Variants in GPAT4 observed in about 807,000 individuals in gnomAD.
GPAT4 encodes the protein 1-AGP acyltransferase 6.
Under a neutral mutation model 58.0 loss-of-function variants are expected in GPAT4, and 17 were observed. The observed-to-expected ratio is 0.29, with a 90% CI of 0.20 to 0.44. The LOEUF (loss-of-function observed/expected upper bound fraction) is 0.44, where lower values mean the gene tolerates loss of function less well. Among genes scored for constraint, GPAT4 ranks in the 20% least tolerant of loss-of-function variants. The probability of loss-of-function intolerance (pLI) is 1.00; values close to 1 mark genes in which losing one functional copy is unlikely to be tolerated. For missense variants in GPAT4, 377 were observed against 574.5 expected (o/e 0.66, Z 3.51); for synonymous variants, 204 against 210.1 (o/e 0.97, Z 0.25).
intron 10 of GPAT4, 87 bp downstream of exon 10, chr8:41,615,135 G>T: frequency 8.1e-7 from 1 of 1,241,806 alleles, no homozygotes; most frequent in Non-Finnish European, 1.2e-6. Context: ...AGGAGCTGGG[G>T]TCACCAGTCT....
chr8:41,608,710 G>A (rs1463903402), intron 2 of GPAT4, among the ~76,000 whole-genome samples: 1 of 152,198 alleles, frequency 6.6e-6, no homozygotes, highest in Non-Finnish European at 1.5e-5. Context: ...GTAGGAGTTT[G>A]AGGTAGTATC....
chr8:41,609,281 T>G, intron 2 of GPAT4, 135 bp from the exon 3 acceptor site: 2 of 937,146 alleles, frequency 2.1e-6, no homozygotes, highest in Non-Finnish European at 3.3e-6. Flanking sequence ...TTGAGTTTCC[T>G]TCTAGACTAT....
chr8:41,600,346 T>C (rs1803054426), intron 2 of GPAT4, among the ~76,000 whole-genome samples: 1 of 152,174 alleles, frequency 6.6e-6, no homozygotes, highest in African/African-American at 2.4e-5. Context: ...CTGGCCCATA[T>C]TGTATCTTCT....
intron 1 of GPAT4, among the ~76,000 whole-genome samples, chr8:41,584,149 G>C (rs968987993): frequency 6.6e-6 from 1 of 152,082 alleles, no homozygotes; most frequent in Non-Finnish European, 1.5e-5. Flanking sequence ...CGCCCACCTC[G>C]GCCTCCCAGA....
At position 41,624,582 on chromosome 8, in the gene GPAT4, G is replaced by C. The variant is rs374585902; in HGVS notation, c.*3581G>C. 1 of 152,206 alleles carries C rather than the reference G, an allele frequency of 6.6e-6. No individual in the cohort carries two copies. Among genetic ancestry groups the C allele is most frequent in the Non-Finnish European group, 1.5e-5 (1 of 68,066 alleles). The allele number at this position is 152,206 out of a possible 1,614,324, so 9.4% of individuals were successfully genotyped here. On this transcript the variant is annotated 3_prime_UTR_variant, in exon 13 of 13. Transcript: ENST00000396987. The stretch of plus-strand genomic sequence containing the variant: ...GCACTTGTCCCAGGTGGCCCGGTCC[G>C]TAGGCTGGAAGGGCAGCTGCAGGTG...
intron 1 of GPAT4, among the ~76,000 whole-genome samples, chr8:41,593,689 C>G (rs1043050592): frequency 1.3e-5 from 2 of 152,340 alleles, no homozygotes; most frequent in Admixed American, 1.3e-4. Flanking sequence ...TCTAGTTTCC[C>G]TTCTTTTCAC....
At chr8:41,619,158 C>A in intron 12 of GPAT4, 181 bp downstream of exon 12, 1 of 706,812 alleles carries the variant, frequency 1.4e-6, no homozygotes, top group Non-Finnish European at 2.3e-6. Flanking sequence ...CTTGGGGAAC[C>A]TGGATCAGGG....
chr8:41,593,329 C>G (rs1802842763), intron 1 of GPAT4, among the ~76,000 whole-genome samples: 1 of 152,220 alleles, frequency 6.6e-6, no homozygotes, highest in Non-Finnish European at 1.5e-5. Context: ...ATTATACAAA[C>G]AAGTCCTTTT....
In GPAT4 at chr8:41,609,069, G is replaced by A. The variant is rs544215890; in HGVS notation, c.166-347G>A. Among the ~76,000 whole-genome samples the A allele has an allele frequency of 1.2e-4, 18 of 152,350 alleles. No individual in the cohort carries two copies. The South Asian group carries it at 2.5e-3, about 21-fold the overall frequency. On this transcript the variant is annotated intron_variant, in intron 2 of 12. Transcript: ENST00000396987. ...GGCTTCGCTGTTTTGAGTAGCTGCC[G>A]TGCGGCAGTGCAGGAGGAATCGTGA...
intron 2 of GPAT4, among the ~76,000 whole-genome samples, chr8:41,608,966 G>A (rs552752558): frequency 6.6e-6 from 1 of 152,290 alleles, no homozygotes; most frequent in African/African-American, 2.4e-5. Context: ...TATTACTTAA[G>A]CTCTTTGTCT....
At chr8:41,605,476 C>G (rs994669092) in intron 2 of GPAT4, among the ~76,000 whole-genome samples, 1 of 152,180 alleles carries the variant, frequency 6.6e-6, no homozygotes, top group Admixed American at 6.5e-5. Flanking sequence ...AGCAAAAACA[C>G]GGCGCATGGA....
At chr8:41,604,698 A>G (rs1487008301) in intron 2 of GPAT4, among the ~76,000 whole-genome samples, 1 of 152,224 alleles carries the variant, frequency 6.6e-6, no homozygotes, top group African/African-American at 2.4e-5. Context: ...TGAGACAGCT[A>G]TGATGTGATC....
intron 1 of GPAT4, among the ~76,000 whole-genome samples, chr8:41,587,447 G>A (rs1802685555): frequency 2.0e-5 from 3 of 152,180 alleles, no homozygotes; most frequent in Admixed American, 2.0e-4. Flanking sequence ...GGGAGACGTT[G>A]ATGTTTGTTT....
chr8:41,603,325 G>C (rs1325743543), intron 2 of GPAT4, among the ~76,000 whole-genome samples: 1 of 152,004 alleles, frequency 6.6e-6, no homozygotes, highest in Non-Finnish European at 1.5e-5. Context: ...TCGGGAGTTC[G>C]AGACCAGCCT....
chr8:41,614,621 C>G (rs1245425363), intron 9 of GPAT4, among the ~76,000 whole-genome samples, 180 bp downstream of exon 9: 1 of 152,284 alleles, frequency 6.6e-6, no homozygotes, highest in East Asian at 1.9e-4. Flanking sequence ...AGAATTTGAA[C>G]TAAGAATGCC....
chr8:41,622,860 G>A lies in GPAT4; in HGVS notation c.*1859G>A, dbSNP rs1261653139. 6.6e-6 allele frequency: 1 copy of A among 152,214 alleles called. No individual in the cohort carries two copies. Among genetic ancestry groups the A allele is most frequent in the Admixed American group, 6.5e-5 (1 of 15,282 alleles). 9.4% of individuals were successfully genotyped at this position (152,214 alleles called of 1,614,324 possible). A position where few individuals can be genotyped will look rare whatever the true frequency, so the allele number is the denominator to read the frequency against. On this transcript the variant is annotated 3_prime_UTR_variant, in exon 13 of 13. Coordinates refer to ENST00000396987, the MANE Select transcript of GPAT4 (RefSeq NM_178819.4). The stretch of plus-strand genomic sequence containing the variant: ...TCTCTTAGGAACTGTTTTACAAAAT[G>A]CTTAAGAATAAAAAGTGATTTTCAG...
At chr8:41,582,882 T>A (rs1371376503) in intron 1 of GPAT4, among the ~76,000 whole-genome samples, 1 of 152,182 alleles carries the variant, frequency 6.6e-6, no homozygotes, top group Non-Finnish European at 1.5e-5. Context: ...ACATCATTTC[T>A]TTGTGTTGGG....
At chr8:41,595,156 G>GT (rs1159786065) in intron 1 of GPAT4, among the ~76,000 whole-genome samples, 41,526 of 130,228 alleles carry the variant, frequency 0.32, 7,059 homozygotes, top group African/African-American at 0.44. Context: ...AATTGGTATA[G>GT]TTTTTTTTTT....
In GPAT4 at chr8:41,609,449, G is replaced by C. The variant is rs1236795465; in HGVS notation, c.199G>C (p.Glu67Gln). ...CTTGAGAATGGAGCGAGGAGCCAAG[G>C]AGAAGAACCACCAGCTTTACAAGCC... Reference protein sequence around the residue: ...ATLRMERGAKEKNHQLYKPYT... With the variant: ...ATLRMERGAKQKNHQLYKPYT... The change falls in exon 3 of 13, where the codon GAG (glutamate) becomes CAG (glutamine). Residue 67 changes from glutamate to glutamine, a missense_variant. Physicochemically the swap from Glu to Gln is conservative, Grantham distance 29. Coordinates refer to ENST00000396987, the MANE Select transcript of GPAT4 (RefSeq NM_178819.4). 1.9e-6 allele frequency: 3 copies of C among 1,614,048 alleles called. No homozygotes were observed. Among genetic ancestry groups the C allele is most frequent in the Admixed American group, 1.7e-5 (1 of 60,010 alleles).
Sources: gnomAD v4.1 joint callset for allele counts (sites outside exome capture counted in the v4.1 genomes callset) on GRCh38, gnomAD v4.1.1 for gene constraint, MANE v1.5 for transcripts, NCBI Gene and HGNC (gene_info 2026-07-23, HGNC 2026-07-21) for gene names.